The following FRMPD4 variants were observed in gnomAD, a reference collection of about 807,000 sequenced individuals.
FRMPD4 encodes the protein FERM and PDZ domain-containing protein 4.
A neutral mutation model predicts 94.1 loss-of-function variants in FRMPD4; 22 were observed. The ratio of observed to expected loss-of-function variants is 0.23; its 90% CI spans 0.17 to 0.33. The LOEUF is 0.33. Ranked by LOEUF, FRMPD4 falls within the 10% of genes least tolerant of loss-of-function variation. FRMPD4 has a pLI of 1.00. For missense variants in FRMPD4, 1,111 were observed against 1,339.9 expected (o/e 0.83, Z 2.67); for synonymous variants, 631 against 548.6 (o/e 1.15, Z -2.10).
upstream of FRMPD4, among the ~76,000 whole-genome samples, chrX:12,133,583 C>T (rs2055571422): frequency 9.0e-6 from 1 of 111,661 alleles, no homozygotes; most frequent in Admixed American, 9.5e-5. Flanking sequence ...AGCCACCACG[C>T]CTGACCGAAC....
intron 3 of FRMPD4, among the ~76,000 whole-genome samples, chrX:11,994,197 C>A (rs1181370282): frequency 2.7e-5 from 3 of 110,698 alleles, no homozygotes; most frequent in African/African-American, 9.9e-5. Flanking sequence ...ATGCACAGGA[C>A]AGCCCCTACT....
intron 2 of FRMPD4, among the ~76,000 whole-genome samples, chrX:12,531,319 G>A (rs1330794268): frequency 8.9e-6 from 1 of 111,835 alleles, no homozygotes; most frequent in Non-Finnish European, 1.9e-5. Context: ...AGGGACGTGG[G>A]AATATTGATT....
At chrX:12,451,283 GC>G (rs1569281186) in intron 1 of FRMPD4, among the ~76,000 whole-genome samples, 2 of 111,607 alleles carry the variant, frequency 1.8e-5, no homozygotes, top group East Asian at 2.8e-4. Context: ...GCTCATCCCT[GC>G]CCCCCTCCAA....
intron 1 of FRMPD4, among the ~76,000 whole-genome samples, chrX:12,386,927 A>G (rs1271464685): frequency 8.9e-6 from 1 of 112,196 alleles, no homozygotes; most frequent in Admixed American, 9.5e-5. Flanking sequence ...GTTCTCATCC[A>G]TATCAGAAGA....
chrX:12,508,627 T>TA (rs1041456684), intron 2 of FRMPD4, among the ~76,000 whole-genome samples: 18 of 111,830 alleles, frequency 1.6e-4, no homozygotes, highest in Non-Finnish European at 3.2e-4. Context: ...CAGTGGGCCA[T>TA]AAGGGAAAAT....
chrX:12,126,388 C>T (rs183384092), intron 3 of FRMPD4, among the ~76,000 whole-genome samples: 30 of 112,068 alleles, frequency 2.7e-4, no homozygotes, highest in African/African-American at 7.1e-4. Context: ...TGGGAAGAAA[C>T]GGATCATGAA....
chrX:12,022,049 T>C (rs1192522716), intron 3 of FRMPD4, among the ~76,000 whole-genome samples: 5 of 112,235 alleles, frequency 4.5e-5, no homozygotes, highest in Admixed American at 1.9e-4. Context: ...AAAGGTTGGA[T>C]TGGAAAATCC....
At chrX:12,104,623 T>G (rs2055281303) in intron 3 of FRMPD4, among the ~76,000 whole-genome samples, 1 of 112,468 alleles carries the variant, frequency 8.9e-6, no homozygotes. Context: ...AAAGTTAATG[T>G]GGGGGCACAC....
chrX:11,909,490 T>C (rs1413924070), intron 3 of FRMPD4, among the ~76,000 whole-genome samples: 1 of 111,080 alleles, frequency 9.0e-6, no homozygotes, highest in Non-Finnish European at 1.9e-5. Flanking sequence ...ATCTTCTCAA[T>C]AATGGTTTCA....
chrX:12,589,570 T>A (rs1287750701), intron 2 of FRMPD4, among the ~76,000 whole-genome samples: 2 of 111,974 alleles, frequency 1.8e-5, no homozygotes, highest in East Asian at 5.5e-4. Context: ...ATTTGATATC[T>A]ACAGAGGACA....
At chrX:12,419,562 G>A (rs1395024864) in intron 1 of FRMPD4, among the ~76,000 whole-genome samples, 3 of 111,342 alleles carry the variant, frequency 2.7e-5, no homozygotes, top group Non-Finnish European at 3.8e-5. Flanking sequence ...AAAACTCTTC[G>A]GGGGTCCTCA....
At chrX:12,649,200 A>C (rs1388115584) in intron 4 of FRMPD4, among the ~76,000 whole-genome samples, 1 of 111,933 alleles carries the variant, frequency 8.9e-6, no homozygotes, top group Admixed American at 9.4e-5. Flanking sequence ...AGGCTCAGAC[A>C]GAAGCTCTGA....
chrX:12,434,251 G>A (rs953693354), intron 1 of FRMPD4, among the ~76,000 whole-genome samples: 1 of 112,488 alleles, frequency 8.9e-6, no homozygotes, highest in Non-Finnish European at 1.9e-5. Context: ...TTAACTCTCA[G>A]TGTACCAATG....
At chrX:12,355,835 C>T (rs1031821534) in intron 1 of FRMPD4, among the ~76,000 whole-genome samples, 4 of 111,659 alleles carry the variant, frequency 3.6e-5, no homozygotes, top group African/African-American at 1.3e-4. Context: ...CACTGGAAAT[C>T]GACTCACAAA....
At chrX:12,327,729 G>C (rs937369979) in intron 1 of FRMPD4, among the ~76,000 whole-genome samples, 4 of 109,505 alleles carry the variant, frequency 3.7e-5, no homozygotes, top group African/African-American at 1.3e-4. Context: ...TACCTCCTGA[G>C]ATGAAAGTAC....
chrX:12,632,563 T>C (rs1483621335), intron 4 of FRMPD4, among the ~76,000 whole-genome samples: 3 of 112,198 alleles, frequency 2.7e-5, no homozygotes, highest in African/African-American at 9.7e-5. Context: ...TTCCTGTAGA[T>C]GAATGGTTCC....
chrX:12,351,043 G>GA (rs1569242158), intron 1 of FRMPD4, among the ~76,000 whole-genome samples: 14 of 110,469 alleles, frequency 1.3e-4, no homozygotes, highest in South Asian at 7.7e-4. Context: ...GTGTGGTGGC[G>GA]CGTGCCTGTA....
chrX:12,223,396 A>G (rs1030567706), intron 1 of FRMPD4, among the ~76,000 whole-genome samples: 3 of 112,113 alleles, frequency 2.7e-5, no homozygotes, highest in African/African-American at 9.7e-5. Flanking sequence ...CAGGAGCTAA[A>G]CATTGAGTAC....
intron 3 of FRMPD4, among the ~76,000 whole-genome samples, chrX:12,101,412 T>C (rs2055254685): frequency 9.0e-6 from 1 of 111,504 alleles, no homozygotes; most frequent in African/African-American, 3.3e-5. Context: ...TTCTATCAAT[T>C]GATCCTAGTC....
Sources: allele counts gnomAD v4.1 joint callset (sites outside exome capture counted in the v4.1 genomes callset), GRCh38; gene constraint gnomAD v4.1.1; transcripts MANE v1.5; gene names NCBI Gene and HGNC (gene_info 2026-07-23, HGNC 2026-07-21).